Variants in IL2RA observed in about 807,000 individuals in gnomAD.
IL2RA encodes the protein interleukin-2 receptor subunit alpha.
In IL2RA, 24 loss-of-function variants were observed where a neutral mutation model predicts 37.8. The ratio of observed to expected loss-of-function variants is 0.63; its 90% CI spans 0.46 to 0.89. The LOEUF (loss-of-function observed/expected upper bound fraction) is 0.89, where lower values mean the gene tolerates loss of function less well. Ranked by LOEUF, IL2RA falls within the 40% of genes least tolerant of loss-of-function variation. IL2RA has a pLI of 0.00. For synonymous variants in IL2RA, 125 were observed against 114.6 expected (o/e 1.09, Z -0.58); for missense variants, 319 against 348.6 (o/e 0.92, Z 0.68).
rs1389264734 is a variant in IL2RA at position 6,021,291 on chromosome 10, G to C, written c.583+187C>G. On this transcript the variant is annotated intron_variant, in intron 4 of 7. Coordinates refer to ENST00000379959, the MANE Select transcript of IL2RA (RefSeq NM_000417.3). The surrounding 1 kb of genome is among the most constrained non-coding windows in gnomAD (Gnocchi z 4.9). ...GGGACCTTCATTGAAGGAGCCCTTA[G>C]AGTCCATCTGATCTGGTCTATTTAA... 6.7e-6 allele frequency among the ~76,000 whole-genome samples: 1 copy of C among 149,202 alleles called. No individual in the cohort carries two copies. Among genetic ancestry groups the C allele is most frequent in the Non-Finnish European group, 1.5e-5 (1 of 67,582 alleles).
chr10:6,061,391 AT>A (rs369318695), intron 1 of IL2RA, among the ~76,000 whole-genome samples: 1,536 of 152,296 alleles, frequency 0.01, 15 homozygotes, highest in South Asian at 0.017. Flanking sequence ...AAAAAAAAAA[AT>A]CTTCGAGAAA....
chr10:6,043,221 T>C (rs1166349120), intron 1 of IL2RA, among the ~76,000 whole-genome samples: 3 of 152,138 alleles, frequency 2.0e-5, no homozygotes, highest in Non-Finnish European at 4.4e-5. Flanking sequence ...AAAATGAATC[T>C]CAGAAACACT....
chr10:6,014,490 G>C lies in IL2RA; in HGVS notation c.795-1594C>G, dbSNP rs1206058554. Among the ~76,000 whole-genome samples, 10 of 152,172 alleles carry C rather than the reference G, an allele frequency of 6.6e-5. No homozygotes were observed. Among genetic ancestry groups the C allele is most frequent in the Non-Finnish European group, 1.5e-4 (10 of 68,020 alleles). ...CTCACATAGGTTCACACAGTTATTT[G>C]TTTCACAACATAAACACTGAACCAT... is the stretch of plus-strand genomic sequence containing the variant. On this transcript the variant is annotated intron_variant, in intron 7 of 7. Transcript: ENST00000379959. This position sits in a 1 kb window ranked among gnomAD's most constrained non-coding sequence, Gnocchi z 4.4.
intron 1 of IL2RA, among the ~76,000 whole-genome samples, chr10:6,040,360 C>T (rs1839753143): frequency 6.6e-6 from 1 of 152,138 alleles, no homozygotes; most frequent in Admixed American, 6.5e-5. Context: ...TGTTTCCTGT[C>T]ACCTGTATTC....
At chr10:6,023,867 C>T (rs1272287153) in intron 3 of IL2RA, among the ~76,000 whole-genome samples, 1 of 152,228 alleles carries the variant, frequency 6.6e-6, no homozygotes, top group Non-Finnish European at 1.5e-5. Flanking sequence ...GGGGAAGACG[C>T]AGAGCGTTTC....
intron 1 of IL2RA, among the ~76,000 whole-genome samples, chr10:6,037,136 G>A (rs922180425): frequency 1.1e-4 from 16 of 152,162 alleles, no homozygotes; most frequent in African/African-American, 3.6e-4. Context: ...CATCCACAGC[G>A]GTTTGTGCCC....
chr10:6,017,572 ATTTTTTTTT>A (rs71390109), intron 7 of IL2RA, among the ~76,000 whole-genome samples: 1 of 104,860 alleles, frequency 9.5e-6, no homozygotes, highest in African/African-American at 3.7e-5. Context: ...TGGTCGTTTA[ATTTTTTTTT>A]TTTTTTTTTT....
At chr10:6,026,977 G>A (rs562052868) in intron 1 of IL2RA, among the ~76,000 whole-genome samples, 1 of 152,130 alleles carries the variant, frequency 6.6e-6, no homozygotes. Context: ...TTGTCCTCCG[G>A]AAGACCATCC....
chr10:6,021,274 C>A lies in IL2RA; in HGVS notation c.583+204G>T, dbSNP rs1839381781. On this transcript the variant is annotated intron_variant, in intron 4 of 7. Coordinates refer to ENST00000379959, the MANE Select transcript of IL2RA (RefSeq NM_000417.3). This position sits in a 1 kb window ranked among gnomAD's most constrained non-coding sequence, Gnocchi z 4.9. ...CCCACTCAGGGCACAGGGGGACCTT[C>A]ATTGAAGGAGCCCTTAGAGTCCATC... Among the ~76,000 whole-genome samples the A allele has an allele frequency of 6.6e-6, 1 of 151,792 alleles. No individual in the cohort carries two copies. The highest frequency in any genetic ancestry group is 1.5e-5 in the Non-Finnish European group (1 of 67,972).
At position 6,033,753 on chromosome 10, in the gene IL2RA, A is replaced by C. The variant is rs1434500285; in HGVS notation, c.65-7728T>G. ...ACAAAAAGACAAAAGTTATATCCAG[A>C]GATAGAAAGCAGACAGTGGTTTCTT... On this transcript the variant is annotated intron_variant, in intron 1 of 7. Coordinates refer to ENST00000379959, the MANE Select transcript of IL2RA (RefSeq NM_000417.3). The surrounding 1 kb of genome is among the most constrained non-coding windows in gnomAD (Gnocchi z 4.3). 6.6e-6 allele frequency among the ~76,000 whole-genome samples: 1 copy of C among 152,264 alleles called. No homozygotes were observed. The highest frequency in any genetic ancestry group is 1.5e-5 in the Non-Finnish European group (1 of 68,044).
Position 6,048,172 on chromosome 10 carries a change from TG to T in IL2RA, c.64+13915del, listed in dbSNP as rs1839895925. Among the ~76,000 whole-genome samples, 1 of 152,226 alleles carries T rather than the reference TG, an allele frequency of 6.6e-6. No homozygotes were observed. Among genetic ancestry groups the T allele is most frequent in the African/African-American group, 2.4e-5 (1 of 41,456 alleles). On this transcript the variant is annotated intron_variant, in intron 1 of 7. Coordinates refer to ENST00000379959, the MANE Select transcript of IL2RA (RefSeq NM_000417.3). The surrounding 1 kb of genome is among the most constrained non-coding windows in gnomAD (Gnocchi z 5.3). ...GTCATGCATCACAGGAAGGCTGTCA[TG>T]GGAGTCCTGAGGTGGGTGGTGATAA...
At position 6,046,924 on chromosome 10, in the gene IL2RA, G is replaced by C. The variant is rs1370364754; in HGVS notation, c.64+15164C>G. On this transcript the variant is annotated intron_variant, in intron 1 of 7. Coordinates refer to ENST00000379959, the MANE Select transcript of IL2RA (RefSeq NM_000417.3). This position sits in a 1 kb window ranked among gnomAD's most constrained non-coding sequence, Gnocchi z 4.8. ...GTTTCCTAAGGACATGGGAACTTAAGATGCAGGCAGGGATCCCATGTCCTA... is the reference window on the plus strand; with the variant it reads ...GTTTCCTAAGGACATGGGAACTTAACATGCAGGCAGGGATCCCATGTCCTA... Among the ~76,000 whole-genome samples, 1 of 152,200 alleles carries C rather than the reference G, an allele frequency of 6.6e-6. No homozygotes were observed. The highest frequency in any genetic ancestry group is 2.4e-5 in the African/African-American group (1 of 41,448).
chr10:6,016,745 G>T (rs1839286709), intron 7 of IL2RA, among the ~76,000 whole-genome samples: 1 of 151,830 alleles, frequency 6.6e-6, no homozygotes, highest in African/African-American at 2.4e-5. Flanking sequence ...GCTTATTTTT[G>T]TATTTTTTAG....
At position 6,054,838 on chromosome 10, in the gene IL2RA, A is replaced by T. The variant is rs1035328008; in HGVS notation, c.64+7250T>A. ...ATTTGCAATGTTTGATCAATATTTG[A>T]TCTTTCCCAGATTGGTTTTCCCTTT... On this transcript the variant is annotated intron_variant, in intron 1 of 7. Transcript: ENST00000379959. The surrounding 1 kb of genome is among the most constrained non-coding windows in gnomAD (Gnocchi z 4.5). Among the ~76,000 whole-genome samples, 3 of 152,016 alleles carry T rather than the reference A, an allele frequency of 2.0e-5. No individual in the cohort carries two copies. The highest frequency in any genetic ancestry group is 7.3e-5 in the African/African-American group (3 of 41,364).
At chr10:6,019,791 T>A in intron 5 of IL2RA, 79 bp downstream of exon 5, 1 of 1,346,674 alleles carries the variant, frequency 7.4e-7, no homozygotes, top group Non-Finnish European at 1.1e-6. Context: ...CCTCCGCCTA[T>A]CTCCCTGAGC....
At chr10:6,016,564 C>A (rs1275938353) in intron 7 of IL2RA, among the ~76,000 whole-genome samples, 1 of 151,754 alleles carries the variant, frequency 6.6e-6, no homozygotes, top group East Asian at 1.9e-4. Context: ...TCATTGATAT[C>A]TTTTACCTTT....
intron 1 of IL2RA, among the ~76,000 whole-genome samples, chr10:6,032,972 G>A (rs895904823): frequency 1.2e-4 from 19 of 152,144 alleles, no homozygotes; most frequent in African/African-American, 4.6e-4. Flanking sequence ...GGGAAATGGA[G>A]GAAATGGATA....
chr10:6,031,494 GTATATATATATATATATGTATATA>G (rs1839587701), intron 1 of IL2RA, among the ~76,000 whole-genome samples: 1 of 27,482 alleles, frequency 3.6e-5, no homozygotes, highest in African/African-American at 1.1e-4. Context: ...ATATATATAT[GTATATATATATATATATGTATATA>G]TATGTATATA....
intron 1 of IL2RA, among the ~76,000 whole-genome samples, chr10:6,031,197 G>T (rs1054614978): frequency 6.6e-6 from 1 of 151,402 alleles, no homozygotes; most frequent in Admixed American, 6.6e-5. Flanking sequence ...AAACAGCAGG[G>T]CCCAACTATA....
Sources: gnomAD v4.1 joint callset for allele counts (sites outside exome capture counted in the v4.1 genomes callset) on GRCh38, gnomAD v4.1.1 for gene constraint, Gnocchi (gnomAD v3.1) non-coding constraint, MANE v1.5 for transcripts, NCBI Gene and HGNC (gene_info 2026-07-23, HGNC 2026-07-21) for gene names.